ROBO2: variants seen among roughly 807,000 people sequenced by gnomAD.
ROBO2 encodes the protein roundabout homolog 2.
ROBO2 carries 53 observed loss-of-function variants against 160.8 expected under a neutral mutation model. The observed-to-expected ratio is 0.33, with a 90% confidence interval of 0.26 to 0.41. The LOEUF is 0.41. ROBO2 is among the 10% of genes least tolerant of loss of function. The pLI is 1.00. For synonymous variants in ROBO2, 664 were observed against 611.7 expected (o/e 1.09, Z -1.26); for missense variants, 1,577 against 1,722.4 (o/e 0.92, Z 1.49).
intron 2 of ROBO2, among the ~76,000 whole-genome samples, chr3:76,722,936 C>G (rs984615768): frequency 1.3e-5 from 2 of 151,986 alleles, no homozygotes; most frequent in South Asian, 2.1e-4. Context: ...ATTTAAGGTA[C>G]TTTTTTGTTT....
chr3:77,063,013 A>C (rs2149782602), intron 1 of ROBO2, among the ~76,000 whole-genome samples: 1 of 152,308 alleles, frequency 6.6e-6, no homozygotes, highest in Admixed American at 6.5e-5. Flanking sequence ...CATTAGAGGA[A>C]TATTATACTG....
chr3:76,331,445 A>G (rs1489336112), intron 2 of ROBO2, among the ~76,000 whole-genome samples: 3 of 151,934 alleles, frequency 2.0e-5, no homozygotes, highest in African/African-American at 7.3e-5. Context: ...TCTCATTCCC[A>G]TTAAATCTAA....
At chr3:76,521,332 A>G (rs1357813688) in intron 2 of ROBO2, among the ~76,000 whole-genome samples, 3 of 152,054 alleles carry the variant, frequency 2.0e-5, no homozygotes, top group East Asian at 3.9e-4. Context: ...TACAGGCATG[A>G]GCCACCGCGC....
intron 2 of ROBO2, among the ~76,000 whole-genome samples, chr3:76,712,823 C>A (rs2093321163): frequency 6.6e-6 from 1 of 151,988 alleles, no homozygotes; most frequent in African/African-American, 2.4e-5. Context: ...CTCTTCATTT[C>A]TTATATTAGA....
intron 2 of ROBO2, among the ~76,000 whole-genome samples, chr3:76,341,343 A>AGTGATACAGGTTCCTTTTCT (rs1314443028): frequency 2.0e-5 from 3 of 146,968 alleles, no homozygotes; most frequent in African/African-American, 7.8e-5. Flanking sequence ...GCTGTCCCCT[A>AGTGATACAGGTTCCTTTTCT]CTACGGGTCC....
At chr3:76,909,906 C>T (rs1365948726) in intron 2 of ROBO2, among the ~76,000 whole-genome samples, 1 of 152,148 alleles carries the variant, frequency 6.6e-6, no homozygotes, top group Non-Finnish European at 1.5e-5. Context: ...AAGTGCTGGA[C>T]TTGGAATTAG....
intron 2 of ROBO2, among the ~76,000 whole-genome samples, chr3:76,746,543 G>C (rs990063162): frequency 1.8e-4 from 28 of 152,084 alleles, no homozygotes; most frequent in African/African-American, 6.8e-4. Context: ...GTGTGAGATG[G>C]TATCTCATTG....
At chr3:77,143,949 A>T (rs556803044) in intron 2 of ROBO2, among the ~76,000 whole-genome samples, 22 of 152,242 alleles carry the variant, frequency 1.4e-4, no homozygotes, top group African/African-American at 5.3e-4. Flanking sequence ...GTCCTAAAAC[A>T]TTTACTTTCT....
chr3:76,313,242 A>G (rs2071725327), intron 2 of ROBO2, among the ~76,000 whole-genome samples: 1 of 152,164 alleles, frequency 6.6e-6, no homozygotes, highest in African/African-American at 2.4e-5. Flanking sequence ...TTGCATAAAT[A>G]TTTTCCACAG....
At chr3:77,501,639 G>GA (rs74852167) in intron 5 of ROBO2, among the ~76,000 whole-genome samples, 1 of 151,744 alleles carries the variant, frequency 6.6e-6, no homozygotes, top group Non-Finnish European at 1.5e-5. Flanking sequence ...CTCAAATTCT[G>GA]AAAAATTGTA....
At chr3:76,750,391 C>T (rs1351353230) in intron 2 of ROBO2, among the ~76,000 whole-genome samples, 2 of 152,042 alleles carry the variant, frequency 1.3e-5, no homozygotes, top group African/African-American at 2.4e-5. Context: ...TGGCACAAGA[C>T]AGGGATGCCC....
intron 2 of ROBO2, among the ~76,000 whole-genome samples, chr3:76,893,928 T>C (rs1281489441): frequency 6.6e-6 from 1 of 152,144 alleles, no homozygotes; most frequent in East Asian, 1.9e-4. Flanking sequence ...ATGATATTTG[T>C]CTTTTGTTTT....
At chr3:77,302,099 A>G (rs954501011) in intron 2 of ROBO2, among the ~76,000 whole-genome samples, 2 of 150,690 alleles carry the variant, frequency 1.3e-5, no homozygotes, top group African/African-American at 4.9e-5. Context: ...CATAGAAACT[A>G]AGTAAAGACA....
chr3:77,051,810 T>C (rs1401288413), intron 1 of ROBO2, among the ~76,000 whole-genome samples: 1 of 152,160 alleles, frequency 6.6e-6, no homozygotes, highest in African/African-American at 2.4e-5. Flanking sequence ...CCCTGAACTA[T>C]AAGGGGAGGG....
chr3:77,173,791 A>G (rs1236291984), intron 2 of ROBO2, among the ~76,000 whole-genome samples: 3 of 152,088 alleles, frequency 2.0e-5, no homozygotes, highest in Non-Finnish European at 4.4e-5. Flanking sequence ...AAAGGGATTA[A>G]AAGGCTCAGT....
intron 2 of ROBO2, among the ~76,000 whole-genome samples, chr3:76,485,838 A>C (rs997626847): frequency 6.6e-6 from 1 of 152,224 alleles, no homozygotes; most frequent in South Asian, 2.1e-4. Context: ...TTAAAATAAC[A>C]ACAATTTGTT....
intron 2 of ROBO2, among the ~76,000 whole-genome samples, chr3:77,031,633 T>G (rs988033106): frequency 1.4e-5 from 2 of 146,396 alleles, no homozygotes; most frequent in African/African-American, 2.5e-5. Flanking sequence ...TAATTATATA[T>G]TAATTTATTT....
intron 2 of ROBO2, among the ~76,000 whole-genome samples, chr3:76,167,600 A>G (rs975341603): frequency 3.3e-5 from 5 of 152,174 alleles, no homozygotes; most frequent in Non-Finnish European, 5.9e-5. Flanking sequence ...TAGAAACCTC[A>G]AAGATGGAAA....
chr3:76,679,844 G>C, intron 2 of ROBO2, among the ~76,000 whole-genome samples: 1 of 152,232 alleles, frequency 6.6e-6, no homozygotes, highest in Middle Eastern at 3.4e-3. Context: ...ATCTCTGAAT[G>C]TGTACTAATC....
Sources: allele counts gnomAD v4.1 joint callset (sites outside exome capture counted in the v4.1 genomes callset), GRCh38; gene constraint gnomAD v4.1.1; transcripts MANE v1.5; gene names NCBI Gene and HGNC (gene_info 2026-07-23, HGNC 2026-07-21).